The following CCDC7 variants were observed in gnomAD, a reference collection of about 807,000 sequenced individuals.
The protein encoded by CCDC7 is coiled-coil domain containing 7, also known as coiled-coil domain-containing protein 7.
Under a neutral mutation model 196.9 loss-of-function variants are expected in CCDC7, and 183 were observed. The observed-to-expected ratio is 0.93, with a 90% confidence interval of 0.82 to 1.05. The LOEUF (loss-of-function observed/expected upper bound fraction) is 1.05. CCDC7 is among the 50% of genes least tolerant of loss of function. CCDC7 has a pLI of 0.00. For missense variants in CCDC7, 1,540 were observed against 1,482.2 expected, an observed-to-expected ratio of 1.04 and a Z score of -0.64; for synonymous variants, 525 against 484.6, an observed-to-expected ratio of 1.08 and a Z score of -1.10.
chr10:32,659,173 G>A (rs150272848), intron 20 of CCDC7, among the ~76,000 whole-genome samples: 1 of 152,098 alleles, frequency 6.6e-6, no homozygotes, highest in Admixed American at 6.5e-5. Context: ...GACATTCATT[G>A]CTATAAACCT....
At chr10:32,830,592 T>G (rs901843144) in intron 32 of CCDC7, among the ~76,000 whole-genome samples, 5 of 152,116 alleles carry the variant, frequency 3.3e-5, no homozygotes, top group African/African-American at 1.2e-4. Flanking sequence ...AACAAAAAGA[T>G]TAAAAGTATT....
At chr10:32,828,508 AAG>A (rs1291508007) in intron 32 of CCDC7, among the ~76,000 whole-genome samples, 2 of 141,548 alleles carry the variant, frequency 1.4e-5, no homozygotes, top group Non-Finnish European at 3.1e-5. Context: ...GAAGAAGAAG[AAG>A]AAGAAGAAGA....
In CCDC7 at chr10:32,728,577, ATTGT is replaced by A. The variant is rs145826860; in HGVS notation, c.2669-306_2669-303del. 7.6e-3 allele frequency among the ~76,000 whole-genome samples: 1,151 copies of A among 152,234 alleles called. 23 individuals are homozygous for A. The highest frequency in any genetic ancestry group is 0.026 in the African/African-American group (1,060 of 41,536). ...AATGATCTTATGCATATGCATTTTCATTGTTTGGCCTATGATTATATATTAAGCT... is the reference window on the plus strand; with the variant it reads ...AATGATCTTATGCATATGCATTTTCATTGGCCTATGATTATATATTAAGCT... On this transcript the variant is annotated intron_variant, in intron 26 of 41. Transcript: ENST00000639629.
intron 20 of CCDC7, among the ~76,000 whole-genome samples, chr10:32,658,463 G>C (rs2070461971): frequency 6.6e-6 from 1 of 152,038 alleles, no homozygotes; most frequent in East Asian, 1.9e-4. Flanking sequence ...TATCTCGTAA[G>C]AACTCATTTA....
chr10:32,458,069 T>C (rs1324499236), intron 3 of CCDC7, among the ~76,000 whole-genome samples: 2 of 152,206 alleles, frequency 1.3e-5, no homozygotes, highest in Non-Finnish European at 2.9e-5. Flanking sequence ...GTGTTGCCTA[T>C]GCTTTTGAGG....
At chr10:32,701,365 G>T (rs921436568) in intron 24 of CCDC7, among the ~76,000 whole-genome samples, 10 of 152,320 alleles carry the variant, frequency 6.6e-5, no homozygotes, top group African/African-American at 1.9e-4. Context: ...CAGGGATGAA[G>T]CCCATTTGAT....
chr10:32,632,142 G>T (rs1282430845), intron 18 of CCDC7, among the ~76,000 whole-genome samples: 156 of 13,988 alleles, frequency 0.011, 1 homozygote, highest in African/African-American at 0.053. Flanking sequence ...TTTTTTTTGG[G>T]GGGGGGGGGG....
intron 29 of CCDC7, among the ~76,000 whole-genome samples, chr10:32,804,396 A>G (rs575586658): frequency 2.0e-5 from 3 of 152,178 alleles, no homozygotes; most frequent in African/African-American, 7.2e-5. Flanking sequence ...CGAGGTCCAC[A>G]TGGTAAAGGG....
At chr10:32,640,418 G>A (rs1033650764) in intron 20 of CCDC7, among the ~76,000 whole-genome samples, 6 of 152,064 alleles carry the variant, frequency 3.9e-5, no homozygotes, top group Non-Finnish European at 7.4e-5. Flanking sequence ...ACGTGAGATG[G>A]GTGTCCTGAA....
intron 5 of CCDC7, among the ~76,000 whole-genome samples, chr10:32,466,457 T>C (rs2036821494): frequency 6.6e-6 from 1 of 152,158 alleles, no homozygotes; most frequent in Non-Finnish European, 1.5e-5. Flanking sequence ...CAGTGTCTAT[T>C]GTTTCCTTCT....
At chr10:32,598,812 CTTGTT>C (rs1181776671) in intron 18 of CCDC7, among the ~76,000 whole-genome samples, 10 of 152,166 alleles carry the variant, frequency 6.6e-5, no homozygotes, top group South Asian at 6.2e-4. Flanking sequence ...TTTATTAAGA[CTTGTT>C]TTGTGTCCTA....
chr10:32,587,559 G>A (rs1014436966), intron 18 of CCDC7, among the ~76,000 whole-genome samples: 8 of 152,182 alleles, frequency 5.3e-5, no homozygotes, highest in African/African-American at 1.7e-4. Flanking sequence ...CAGGGATTAA[G>A]TTTCTAGTAT....
At chr10:32,636,463 G>A (rs1221701151) in intron 20 of CCDC7, among the ~76,000 whole-genome samples, 3 of 152,052 alleles carry the variant, frequency 2.0e-5, no homozygotes, top group African/African-American at 7.2e-5. Context: ...CCACCTATGA[G>A]TGAGAACATG....
chr10:32,761,789 A>G (rs551369036), intron 28 of CCDC7, among the ~76,000 whole-genome samples: 1 of 152,130 alleles, frequency 6.6e-6, no homozygotes, highest in South Asian at 2.1e-4. Flanking sequence ...AACTGGAATG[A>G]GGAAATATGG....
At chr10:32,657,297 A>G (rs1281147695) in intron 20 of CCDC7, among the ~76,000 whole-genome samples, 1 of 152,232 alleles carries the variant, frequency 6.6e-6, no homozygotes, top group East Asian at 1.9e-4. Flanking sequence ...CTCCAACTCC[A>G]CATTTCCCTT....
At chr10:32,647,708 C>T (rs1387376491) in intron 20 of CCDC7, among the ~76,000 whole-genome samples, 1 of 152,024 alleles carries the variant, frequency 6.6e-6, no homozygotes, top group Non-Finnish European at 1.5e-5. Flanking sequence ...TTTAATTTCC[C>T]TATAGGTTCT....
chr10:32,732,401 A>T (rs988883523), intron 28 of CCDC7, among the ~76,000 whole-genome samples: 1 of 152,186 alleles, frequency 6.6e-6, no homozygotes, highest in Admixed American at 6.5e-5. Flanking sequence ...GAAAACATGT[A>T]TGTGCGTATA....
At chr10:32,498,245 A>T (rs1453156204) in intron 9 of CCDC7, among the ~76,000 whole-genome samples, 2 of 152,020 alleles carry the variant, frequency 1.3e-5, no homozygotes, top group African/African-American at 4.8e-5. Flanking sequence ...TTGCTTGATA[A>T]ATCTTCCTCC....
chr10:32,730,343 T>C (rs1365603885), intron 28 of CCDC7, among the ~76,000 whole-genome samples: 1 of 152,156 alleles, frequency 6.6e-6, no homozygotes, highest in Non-Finnish European at 1.5e-5. Context: ...GGTGCAATTA[T>C]ATCATTTTTT....
Sources: allele counts gnomAD v4.1 joint callset (sites outside exome capture counted in the v4.1 genomes callset), GRCh38; gene constraint gnomAD v4.1.1; transcripts MANE v1.5; gene names NCBI Gene and HGNC (gene_info 2026-07-23, HGNC 2026-07-21).